Variants in MYO3A observed in about 807,000 individuals in gnomAD.
MYO3A encodes myosin IIIA, also known as myosin-IIIa.
A neutral mutation model predicts 192.7 loss-of-function variants in MYO3A; 180 were observed. The observed-to-expected ratio is 0.93, with a 90% CI of 0.83 to 1.06. MYO3A has a LOEUF of 1.06. Ranked by LOEUF, MYO3A falls within the 50% of genes least tolerant of loss-of-function variation. MYO3A has a pLI of 0.00. For synonymous variants in MYO3A, 628 were observed against 645.3 expected (o/e 0.97, Z 0.41); for missense variants, 1,896 against 1,905.0 (o/e 1.00, Z 0.09).
chr10:25,937,457 T>A (rs1836162855), intron 2 of MYO3A, among the ~76,000 whole-genome samples: 1 of 152,224 alleles, frequency 6.6e-6, no homozygotes, highest in Non-Finnish European at 1.5e-5. Context: ...TATTGCAATT[T>A]ACGAAACAGT....
At chr10:26,193,407 G>C in intron 32 of MYO3A, 96 bp downstream of exon 32, 4 of 1,018,458 alleles carry the variant, frequency 3.9e-6, no homozygotes, top group East Asian at 2.6e-5. Context: ...ACAAAGGAAG[G>C]CCTGGCAGGA....
intron 10 of MYO3A, among the ~76,000 whole-genome samples, chr10:26,065,157 G>A (rs985547059): frequency 2.6e-5 from 4 of 152,168 alleles, no homozygotes; most frequent in Non-Finnish European, 4.4e-5. Context: ...ATTCAAGAAC[G>A]CCTTTGTTAA....
chr10:25,935,811 A>G lies in MYO3A; in HGVS notation c.-37A>G, dbSNP rs564519092. On this transcript the variant is annotated 5_prime_UTR_variant, in exon 2 of 35. Coordinates refer to ENST00000642920, the MANE Select transcript of MYO3A (RefSeq NM_017433.5). ...TGGCGTCTGAGCATTGTTATGCGTT[A>G]TTTTCAAGCTTTGCTAACGGTAGGT... The G allele has an allele frequency of 5.9e-5, 9 of 152,234 alleles. No individual in the cohort carries two copies. The South Asian group carries it at 1.9e-3, about 32-fold the overall frequency. 9.4% of individuals were successfully genotyped at this position (152,234 alleles called of 1,614,324 possible).
chr10:25,980,499 G>A (rs533051256), intron 4 of MYO3A, among the ~76,000 whole-genome samples: 15 of 152,186 alleles, frequency 9.9e-5, no homozygotes, highest in Middle Eastern at 3.4e-3. Flanking sequence ...TTAATCAAAA[G>A]TATTACATTA....
intron 34 of MYO3A, among the ~76,000 whole-genome samples, chr10:26,207,901 A>G (rs2132237645): frequency 6.6e-6 from 1 of 152,312 alleles, no homozygotes; most frequent in South Asian, 2.1e-4. Flanking sequence ...ATTCTGATCC[A>G]TGAACACGGA....
intron 26 of MYO3A, 55 bp from the exon 27 acceptor site, chr10:26,166,012 T>C: frequency 2.8e-6 from 4 of 1,411,656 alleles, no homozygotes; most frequent in Non-Finnish European, 3.0e-6. Context: ...ACCACCAAGC[T>C]ACAGAGATGT....
At chr10:26,114,182 G>A (rs891043509) in intron 17 of MYO3A, among the ~76,000 whole-genome samples, 1 of 152,106 alleles carries the variant, frequency 6.6e-6, no homozygotes, top group African/African-American at 2.4e-5. Context: ...ACTGGATGGT[G>A]CCAGATCTGC....
Position 26,131,772 on chromosome 10 carries a change from T to C in MYO3A, c.2262+3234T>C, listed in dbSNP as rs1839549290. On this transcript the variant is annotated intron_variant, in intron 20 of 34. Transcript: ENST00000642920. ...GGGAGAATAATTTTATGTATATTTA[T>C]TTTAATGAAATCTAAAGATACTATT... 1.3e-5 allele frequency among the ~76,000 whole-genome samples: 2 copies of C among 152,224 alleles called. 1 individual carries two copies. Among genetic ancestry groups the C allele is most frequent in the South Asian group, 4.1e-4 (2 of 4,830 alleles).
intron 14 of MYO3A, among the ~76,000 whole-genome samples, chr10:26,074,410 A>G (rs1835401790): frequency 6.6e-6 from 1 of 151,894 alleles, no homozygotes; most frequent in Non-Finnish European, 1.5e-5. Context: ...TTAAAAACCC[A>G]TTCTTTCCAT....
intron 9 of MYO3A, among the ~76,000 whole-genome samples, chr10:26,025,373 A>G (rs796386478): frequency 2.0e-5 from 3 of 151,984 alleles, no homozygotes; most frequent in African/African-American, 7.2e-5. Flanking sequence ...TTTTCTCATA[A>G]TCGTAGACTC....
chr10:26,136,676 G>A (rs922548799), intron 20 of MYO3A, among the ~76,000 whole-genome samples: 1 of 152,148 alleles, frequency 6.6e-6, no homozygotes, highest in Non-Finnish European at 1.5e-5. Context: ...TACTTAAGCA[G>A]TGTTCATCTA....
chr10:26,194,267 CT>C (rs1285247266), intron 32 of MYO3A, among the ~76,000 whole-genome samples: 1 of 152,182 alleles, frequency 6.6e-6, no homozygotes, highest in Non-Finnish European at 1.5e-5. Context: ...CTTAATTGTT[CT>C]TTTAATGGCT....
intron 14 of MYO3A, among the ~76,000 whole-genome samples, chr10:26,073,215 C>A (rs754815786): frequency 2.6e-5 from 4 of 151,772 alleles, no homozygotes; most frequent in Non-Finnish European, 4.4e-5. Context: ...CAGAACAAGA[C>A]CCTGTCTCAA....
intron 14 of MYO3A, among the ~76,000 whole-genome samples, chr10:26,076,068 A>T (rs12414462): frequency 0.69 from 104,087 of 150,642 alleles, 36,119 homozygotes; most frequent in Middle Eastern, 0.76. Flanking sequence ...TTAAGAAATC[A>T]GCATACTGTT....
Position 25,952,087 on chromosome 10 carries a change from T to C in MYO3A, c.-17-7T>C, listed in dbSNP as rs1453225277. On this transcript the variant is annotated splice_region_variant and splice_polypyrimidine_tract_variant and intron_variant, in intron 2 of 34. Coordinates refer to ENST00000642920, the MANE Select transcript of MYO3A (RefSeq NM_017433.5). ...ACTGTAGATGAAACTGTACTTCTTA[T>C]CTCCAGGTTTTTAAACCTTTGAGAT... 2 of 1,592,138 alleles carry C rather than the reference T, an allele frequency of 1.3e-6. No individual in the cohort carries two copies. Among genetic ancestry groups the C allele is most frequent in the Non-Finnish European group, 1.7e-6 (2 of 1,162,048 alleles).
At chr10:26,106,307 G>A (rs1394822805) in intron 17 of MYO3A, among the ~76,000 whole-genome samples, 2 of 151,852 alleles carry the variant, frequency 1.3e-5, no homozygotes, top group Non-Finnish European at 2.9e-5. Flanking sequence ...ATGCTGTTTC[G>A]AGTTTTTAAT....
intron 20 of MYO3A, among the ~76,000 whole-genome samples, chr10:26,141,715 T>G (rs1296134303): frequency 6.6e-6 from 1 of 152,226 alleles, no homozygotes; most frequent in Non-Finnish European, 1.5e-5. Context: ...AAGGTTACCT[T>G]CAAATACAAA....
At position 26,024,927 on chromosome 10, in the gene MYO3A, G is replaced by A. The variant is rs765902522; in HGVS notation, c.797+840G>A. Among the ~76,000 whole-genome samples, 7 of 152,158 alleles carry A rather than the reference G, an allele frequency of 4.6e-5. No individual in the cohort carries two copies. The East Asian group carries it at 1.3e-3, about 29-fold the overall frequency. On this transcript the variant is annotated intron_variant, in intron 9 of 34. Coordinates refer to ENST00000642920, the MANE Select transcript of MYO3A (RefSeq NM_017433.5). ...GTTTTGACATCTTTCTCTATAACTA[G>A]ACAGTAAGCAACTCTAGGGCACTGA...
At chr10:26,013,382 A>G (rs7089870) in intron 6 of MYO3A, among the ~76,000 whole-genome samples, 14,273 of 152,186 alleles carry the variant, frequency 0.094, 1,173 homozygotes, top group African/African-American at 0.21. Flanking sequence ...TGCATCCAAC[A>G]AAGGATTAAT....
Sources: gnomAD v4.1 joint callset for allele counts (sites outside exome capture counted in the v4.1 genomes callset) on GRCh38, gnomAD v4.1.1 for gene constraint, MANE v1.5 for transcripts, NCBI Gene and HGNC (gene_info 2026-07-23, HGNC 2026-07-21) for gene names.